Variants in PTPRK observed in about 807,000 individuals in gnomAD.
PTPRK encodes the protein receptor-type tyrosine-protein phosphatase kappa.
A neutral mutation model predicts 178.0 loss-of-function variants in PTPRK; 75 were observed. The observed-to-expected ratio is 0.42, with a 90% CI of 0.35 to 0.51. The LOEUF (loss-of-function observed/expected upper bound fraction) is 0.51, where lower values mean the gene tolerates loss of function less well. Ranked by LOEUF, PTPRK falls within the 20% of genes least tolerant of loss-of-function variation. The probability of loss-of-function intolerance (pLI) is 0.02; values close to 1 mark genes in which losing one functional copy is unlikely to be tolerated. For synonymous variants in PTPRK, 637 were observed against 620.6 expected (o/e 1.03, Z -0.39); for missense variants, 1,441 against 1,797.8 (o/e 0.80, Z 3.59).
chr6:128,137,730 C>T (rs896453698), intron 7 of PTPRK, among the ~76,000 whole-genome samples: 8 of 151,914 alleles, frequency 5.3e-5, no homozygotes, highest in African/African-American at 1.9e-4. Context: ...TAATGGGAGG[C>T]TCATAATCTA....
chr6:128,317,622 C>A (rs576733203), intron 3 of PTPRK, among the ~76,000 whole-genome samples: 51 of 152,138 alleles, frequency 3.4e-4, no homozygotes, highest in African/African-American at 1.2e-3. Flanking sequence ...TCTAAAAATT[C>A]TTTAAATAAT....
intron 11 of PTPRK, among the ~76,000 whole-genome samples, chr6:128,075,833 A>C (rs1285901812): frequency 2.0e-5 from 3 of 152,064 alleles, no homozygotes; most frequent in African/African-American, 7.2e-5. Context: ...GGCAGAAAGA[A>C]TACATATTTC....
chr6:128,200,518 C>A (rs1805709455), intron 6 of PTPRK, among the ~76,000 whole-genome samples: 1 of 151,798 alleles, frequency 6.6e-6, no homozygotes. Context: ...TAAGGCCAGG[C>A]ATTCAAGACC....
chr6:128,103,936 TCAC>T (rs1789229196), intron 7 of PTPRK, among the ~76,000 whole-genome samples: 1 of 152,090 alleles, frequency 6.6e-6, no homozygotes, highest in Admixed American at 6.5e-5. Context: ...CCACACCATC[TCAC>T]CTGCACTGAC....
chr6:127,992,968 T>C (rs550953600), intron 18 of PTPRK, among the ~76,000 whole-genome samples: 2 of 151,918 alleles, frequency 1.3e-5, no homozygotes, highest in African/African-American at 4.8e-5. Flanking sequence ...AATAACCTCA[T>C]AGATTTTGTT....
chr6:128,473,961 C>A (rs894724050), intron 1 of PTPRK, among the ~76,000 whole-genome samples: 6 of 152,054 alleles, frequency 3.9e-5, no homozygotes, highest in Non-Finnish European at 8.8e-5. Flanking sequence ...AATTTTTAGT[C>A]TGTTCATGAA....
chr6:128,263,399 T>C (rs1043672713), intron 3 of PTPRK, among the ~76,000 whole-genome samples: 3 of 152,132 alleles, frequency 2.0e-5, no homozygotes, highest in African/African-American at 7.2e-5. Flanking sequence ...AGATCATGGT[T>C]TGTGGCACTT....
At chr6:128,238,203 GA>G (rs763959524) in intron 5 of PTPRK, 14 of 253,612 alleles carry the variant, frequency 5.5e-5, no homozygotes, top group African/African-American at 4.4e-4. Flanking sequence ...AAAAAAAAAA[GA>G]AAAGAAAAAA....
chr6:128,191,026 T>C (rs1406879379), intron 6 of PTPRK, among the ~76,000 whole-genome samples: 1 of 152,046 alleles, frequency 6.6e-6, no homozygotes. Flanking sequence ...GAGTGTGTAC[T>C]GTGCCCCCAT....
chr6:128,411,951 A>G (rs1017414573), intron 1 of PTPRK, among the ~76,000 whole-genome samples: 4 of 152,216 alleles, frequency 2.6e-5, no homozygotes, highest in African/African-American at 7.2e-5. Flanking sequence ...TTTGCTAATG[A>G]TCTAAATCTA....
At chr6:128,499,160 A>T (rs956839076) in intron 1 of PTPRK, among the ~76,000 whole-genome samples, 1 of 149,298 alleles carries the variant, frequency 6.7e-6, no homozygotes, top group African/African-American at 2.5e-5. Context: ...AAAAGTAAAT[A>T]AAAAAAAAAC....
At chr6:128,438,674 C>A (rs1374834857) in intron 1 of PTPRK, among the ~76,000 whole-genome samples, 1 of 152,146 alleles carries the variant, frequency 6.6e-6, no homozygotes, top group African/African-American at 2.4e-5. Flanking sequence ...TAGGGCTGCC[C>A]CAGGTGCCAA....
chr6:128,029,022 T>C (rs958390523), intron 13 of PTPRK, among the ~76,000 whole-genome samples: 1 of 152,154 alleles, frequency 6.6e-6, no homozygotes, highest in Admixed American at 6.5e-5. Context: ...GATCAACTGA[T>C]ACAGTTTGGG....
chr6:128,090,098 G>T, intron 7 of PTPRK, 106 bp from the exon 8 acceptor site: 1 of 890,908 alleles, frequency 1.1e-6, no homozygotes, highest in Non-Finnish European at 1.7e-6. Flanking sequence ...TAGAAAATGT[G>T]GAAGTCATGT....
chr6:128,475,617 T>A (rs941525492), intron 1 of PTPRK, among the ~76,000 whole-genome samples: 1 of 151,980 alleles, frequency 6.6e-6, no homozygotes, highest in Non-Finnish European at 1.5e-5. Flanking sequence ...AGTTTCAAGT[T>A]TAGGTAACTA....
intron 3 of PTPRK, among the ~76,000 whole-genome samples, chr6:128,247,362 C>G (rs1583683175): frequency 6.6e-6 from 1 of 152,072 alleles, no homozygotes; most frequent in East Asian, 1.9e-4. Flanking sequence ...GTCTGTCACA[C>G]AGGCTGGAGT....
chr6:128,273,786 A>G (rs899307337), intron 3 of PTPRK, among the ~76,000 whole-genome samples: 2 of 152,232 alleles, frequency 1.3e-5, no homozygotes, highest in Admixed American at 6.5e-5. Flanking sequence ...TAGTCAGTGC[A>G]TAAGTCGCAA....
In PTPRK at chr6:128,310,020, T is replaced by G. The variant is rs188761233; in HGVS notation, c.495+12019A>C. On this transcript the variant is annotated intron_variant, in intron 3 of 29. Transcript: ENST00000368226. Reference sequence around the variant, plus strand: ...AGGCTAATCAGAAATGCAAAGGTACTAGACAATGAATAGCCTTTCTCTTAT... The same window carrying G: ...AGGCTAATCAGAAATGCAAAGGTACGAGACAATGAATAGCCTTTCTCTTAT... 2.2e-4 allele frequency among the ~76,000 whole-genome samples: 33 copies of G among 152,332 alleles called. No individual in the cohort carries two copies. In the East Asian group the frequency reaches 6.0e-3, roughly 28 times the overall value.
chr6:128,278,400 C>A (rs1044423687), intron 3 of PTPRK, among the ~76,000 whole-genome samples: 6 of 152,078 alleles, frequency 3.9e-5, no homozygotes, highest in Admixed American at 1.3e-4. Flanking sequence ...TTGTGATCTG[C>A]CCACCTTGGC....
Sources: allele counts gnomAD v4.1 joint callset (sites outside exome capture counted in the v4.1 genomes callset), GRCh38; gene constraint gnomAD v4.1.1; transcripts MANE v1.5; gene names NCBI Gene and HGNC (gene_info 2026-07-23, HGNC 2026-07-21).